Variants in TGIF1 observed in about 807,000 individuals in gnomAD.
TGIF1 encodes the protein TGFB induced factor homeobox 1, also known as homeobox protein TGIF1.
TGIF1 carries 4 observed loss-of-function variants against 19.3 expected under a neutral mutation model. The observed-to-expected ratio is 0.21, with a 90% CI of 0.10 to 0.47. The LOEUF is 0.47. TGIF1 is among the 20% of genes least tolerant of loss of function. The pLI, the probability that TGIF1 is intolerant of heterozygous loss-of-function variation, is 0.98. For missense variants in TGIF1, 275 were observed against 341.4 expected, an observed-to-expected ratio of 0.81 and a Z score of 1.53; for synonymous variants, 122 against 129.3, an observed-to-expected ratio of 0.94 and a Z score of 0.38.
chr18:3,436,126 C>T (rs377688108), intron 2 of TGIF1, among the ~76,000 whole-genome samples: 1 of 152,188 alleles, frequency 6.6e-6, no homozygotes, highest in Admixed American at 6.5e-5. Context: ...TATTTTCACA[C>T]CAGCAAGGTT....
At chr18:3,421,167 T>C (rs1303306255) in intron 2 of TGIF1, among the ~76,000 whole-genome samples, 4 of 151,634 alleles carry the variant, frequency 2.6e-5, no homozygotes, top group Non-Finnish European at 5.9e-5. Context: ...AAATCTACTG[T>C]ATTTGATGGT....
At chr18:3,448,269 G>A (rs763666751), upstream of TGIF1, 108 of 985,210 alleles carry the variant, frequency 1.1e-4, no homozygotes, top group Non-Finnish European at 1.1e-4. Flanking sequence ...TCCTCCCTGC[G>A]TCTCTCCTCC....
At chr18:3,426,618 G>C (rs1384741687) in intron 2 of TGIF1, among the ~76,000 whole-genome samples, 1 of 152,178 alleles carries the variant, frequency 6.6e-6, no homozygotes, top group Non-Finnish European at 1.5e-5. Context: ...TGTGGAGAAA[G>C]AAGCAGGAAT....
intron 2 of TGIF1, among the ~76,000 whole-genome samples, chr18:3,427,832 G>T (rs573359795): frequency 6.6e-6 from 1 of 151,820 alleles, no homozygotes; most frequent in East Asian, 1.9e-4. Flanking sequence ...ACTCTTGACT[G>T]CAGGTGATCC....
At chr18:3,421,472 G>A (rs1467599135) in intron 2 of TGIF1, among the ~76,000 whole-genome samples, 3 of 150,786 alleles carry the variant, frequency 2.0e-5, no homozygotes, top group Non-Finnish European at 4.4e-5. Flanking sequence ...GAGTGCAATG[G>A]CTTGATCTTG....
At chr18:3,448,310 CCA>C, upstream of TGIF1, 1 of 985,446 alleles carries the variant, frequency 1.0e-6, no homozygotes, top group African/African-American at 1.7e-5. Context: ...CGGATAGGAG[CCA>C]CCAATCCCAG....
At chr18:3,417,837 G>A (rs1162890252) in intron 1 of TGIF1, among the ~76,000 whole-genome samples, 2 of 152,214 alleles carry the variant, frequency 1.3e-5, no homozygotes, top group African/African-American at 4.8e-5. Context: ...AGTGGCTCAT[G>A]CCTGTAACCC....
intron 1 of TGIF1, among the ~76,000 whole-genome samples, chr18:3,454,511 G>A (rs751794938): frequency 3.9e-5 from 6 of 151,980 alleles, no homozygotes; most frequent in African/African-American, 4.8e-5. Context: ...TTAAAAGTTC[G>A]ATTTCTTTAA....
chr18:3,442,202 C>A (rs2082684257), intron 2 of TGIF1, among the ~76,000 whole-genome samples: 1 of 152,120 alleles, frequency 6.6e-6, no homozygotes. Flanking sequence ...ATAAAACTTG[C>A]AGAAATTTCT....
intron 1 of TGIF1, chr18:3,415,301 C>T: frequency 3.6e-6 from 1 of 278,246 alleles, no homozygotes; most frequent in Non-Finnish European, 7.7e-6. Context: ...GCTGAGGGTT[C>T]GGTGTCCACA....
At chr18:3,425,956 C>CCCCTG (rs1418718871) in intron 2 of TGIF1, among the ~76,000 whole-genome samples, 2 of 152,110 alleles carry the variant, frequency 1.3e-5, no homozygotes, top group African/African-American at 2.4e-5. Context: ...CCGCACCATC[C>CCCCTG]CCCTGCCCTG....
At chr18:3,429,220 C>A (rs1348407820) in intron 2 of TGIF1, among the ~76,000 whole-genome samples, 1 of 152,110 alleles carries the variant, frequency 6.6e-6, no homozygotes, top group African/African-American at 2.4e-5. Context: ...CCAGGCCCAG[C>A]TAATTTTGTA....
At chr18:3,453,592 A>C (rs2083060953) in intron 1 of TGIF1, among the ~76,000 whole-genome samples, 1 of 151,800 alleles carries the variant, frequency 6.6e-6, no homozygotes, top group South Asian at 2.1e-4. Context: ...AGGCTGAGGC[A>C]AGAGAATCGC....
chr18:3,450,817 CGCCGCGT>C (rs1320105837), intron 1 of TGIF1, among the ~76,000 whole-genome samples: 1 of 152,194 alleles, frequency 6.6e-6, no homozygotes, highest in African/African-American at 2.4e-5. Context: ...TCGGCCCAGC[CGCCGCGT>C]GGCTTCTCGC....
chr18:3,445,765 CAAAAAAA>C (rs755240649), upstream of TGIF1, among the ~76,000 whole-genome samples: 1 of 35,842 alleles, frequency 2.8e-5, no homozygotes, highest in Admixed American at 5.5e-4. Context: ...AGAAGAAAAG[CAAAAAAA>C]AAAAAAAAAA....
At chr18:3,420,140 G>A (rs2082383261) in intron 2 of TGIF1, among the ~76,000 whole-genome samples, 2 of 152,302 alleles carry the variant, frequency 1.3e-5, no homozygotes, top group Middle Eastern at 3.4e-3. Flanking sequence ...CACTTTGGGA[G>A]GACAAGGTGG....
intron 1 of TGIF1, chr18:3,453,923 A>G: frequency 1.3e-6 from 1 of 776,580 alleles, no homozygotes. Context: ...CTGTTACAAT[A>G]GGAAATGAGT....
chr18:3,412,216 T>TC (rs1395587316), exon 1 of TGIF1: 7 of 152,008 alleles, frequency 4.6e-5, no homozygotes, highest in African/African-American at 1.7e-4. Flanking sequence ...TGCGCGGGGC[T>TC]CCCTCCTTAC....
At chr18:3,448,697 C>A, upstream of TGIF1, 3 of 818,480 alleles carry the variant, frequency 3.7e-6, no homozygotes, top group Non-Finnish European at 4.4e-6. Flanking sequence ...GGCCTCCACG[C>A]ATTCTAGGGG....
Sources: gnomAD v4.1 joint callset for allele counts (sites outside exome capture counted in the v4.1 genomes callset) on GRCh38, gnomAD v4.1.1 for gene constraint, MANE v1.5 for transcripts, NCBI Gene and HGNC (gene_info 2026-07-23, HGNC 2026-07-21) for gene names.